The following RB1 variants were observed in gnomAD, a reference collection of about 807,000 sequenced individuals.
The protein encoded by RB1 is RB transcriptional corepressor 1, also known as retinoblastoma-associated protein.
In RB1, 18 loss-of-function variants were observed where a neutral mutation model predicts 135.4. The observed-to-expected ratio is 0.13, with a 90% CI of 0.09 to 0.20. The LOEUF (loss-of-function observed/expected upper bound fraction) is 0.20, where lower values mean the gene tolerates loss of function less well. Ranked by LOEUF, RB1 falls within the 10% of genes least tolerant of loss-of-function variation. The pLI, the probability that RB1 is intolerant of heterozygous loss-of-function variation, is 1.00. For synonymous variants in RB1, 365 were observed against 373.2 expected (o/e 0.98, Z 0.25); for missense variants, 868 against 1,110.0 (o/e 0.78, Z 3.10).
rs183939957 is a variant in RB1, at chr13:48,471,890, G to A, written c.2490-1470G>A. ...GAGGTCCATCCCTAATCCTGCTGGC[G>A]GCCTCTTTACCACCTCACCTTGGGC... On this transcript the variant is annotated intron_variant, in intron 23 of 26. Transcript: ENST00000267163. 4.6e-5 allele frequency among the ~76,000 whole-genome samples: 7 copies of A among 152,180 alleles called. No individual in the cohort carries two copies. The East Asian group carries it at 7.7e-4, about 17-fold the overall frequency.
rs2138083381 is a variant in RB1 at position 48,342,580 on chromosome 13, C to G, written c.265-19C>G. On this transcript the variant is annotated intron_variant, in intron 2 of 26. Coordinates refer to ENST00000267163, the MANE Select transcript of RB1 (RefSeq NM_000321.3). Reference sequence around the variant, plus strand: ...TGAATTATTTAATGAAATATTTGATCTTTATTTTTTGTTCCCAGGGAGGTT... The same window carrying G: ...TGAATTATTTAATGAAATATTTGATGTTTATTTTTTGTTCCCAGGGAGGTT... 3 of 1,397,106 alleles carry G rather than the reference C, an allele frequency of 2.1e-6. No homozygotes were observed. Among genetic ancestry groups the G allele is most frequent in the East Asian group, 4.6e-5 (2 of 43,738 alleles). 86.5% of individuals were successfully genotyped at this position (1,397,106 alleles called of 1,614,324 possible).
intron 17 of RB1, among the ~76,000 whole-genome samples, chr13:48,390,907 T>A (rs1948606294): frequency 6.6e-6 from 1 of 152,222 alleles, no homozygotes; most frequent in Non-Finnish European, 1.5e-5. Context: ...CTTTCTTAAA[T>A]CTTGCCTAAC....
intron 17 of RB1, among the ~76,000 whole-genome samples, chr13:48,436,717 A>C (rs1429496791): frequency 1.3e-5 from 2 of 152,178 alleles, no homozygotes; most frequent in Non-Finnish European, 2.9e-5. Context: ...ATTAGTATTA[A>C]AGGACCAGCA....
intron 5 of RB1, among the ~76,000 whole-genome samples, 166 bp from the exon 6 acceptor site, chr13:48,348,790 C>G (rs1352776642): frequency 1.3e-5 from 2 of 150,582 alleles, no homozygotes; most frequent in African/African-American, 4.9e-5. Context: ...GAGATAAACT[C>G]AGGTGTAAAT....
chr13:48,339,904 A>G (rs1371857510), intron 2 of RB1, among the ~76,000 whole-genome samples: 1 of 152,198 alleles, frequency 6.6e-6, no homozygotes, highest in Non-Finnish European at 1.5e-5. Flanking sequence ...AAATGAACAA[A>G]ATATATGAAA....
intron 17 of RB1, chr13:48,415,742 G>A (rs1453597981): frequency 1.3e-5 from 2 of 152,184 alleles, no homozygotes; most frequent in African/African-American, 4.8e-5. Flanking sequence ...CATGTTTGCT[G>A]ATGAATGAAT....
rs2138345735 is a variant in RB1, at chr13:48,465,265, C to T, written c.2386C>T (p.Pro796Ser). ...PRSPYKFPSS[P>S]LRIPGGNIYI... ...AAGCCCTTACAAGTTTCCTAGTTCA[C>T]CCTTACGGATTCCTGGAGGGAACAT... Residue 796 changes from proline (P) to serine (S), a missense_variant, in exon 23 of 27, where the codon CCC becomes TCC. Around this residue, in one of 3 missense-constraint regions of RB1, gnomAD observed 196 missense variants for 239.8 expected, o/e 0.82. Transcript: ENST00000267163. 1 of 1,613,358 alleles carries T rather than the reference C, an allele frequency of 6.2e-7. No individual in the cohort carries two copies. Among genetic ancestry groups the T allele is most frequent in the Non-Finnish European group, 8.5e-7 (1 of 1,179,342 alleles).
intron 17 of RB1, among the ~76,000 whole-genome samples, chr13:48,382,288 T>C (rs1161758092): frequency 6.6e-6 from 1 of 151,182 alleles, no homozygotes; most frequent in African/African-American, 2.4e-5. Context: ...ATCGCCACAC[T>C]GTTGAACTAG....
intron 17 of RB1, among the ~76,000 whole-genome samples, chr13:48,383,903 A>G (rs1030750778): frequency 1.3e-5 from 2 of 152,112 alleles, no homozygotes; most frequent in Admixed American, 1.3e-4. Context: ...TATTTCTTTT[A>G]GAGAATTAAT....
chr13:48,450,889 G>A (rs912595117), intron 17 of RB1, among the ~76,000 whole-genome samples: 8 of 151,954 alleles, frequency 5.3e-5, no homozygotes, highest in Non-Finnish European at 1.0e-4. Flanking sequence ...GAAGAGGCCC[G>A]TCACTTCCCT....
intron 2 of RB1, chr13:48,318,606 C>A: frequency 1.6e-6 from 1 of 616,096 alleles, no homozygotes. Flanking sequence ...GGGCACGGCT[C>A]ACGCCTGGCT....
intron 12 of RB1, among the ~76,000 whole-genome samples, chr13:48,375,913 T>C (rs1351978129): frequency 2.0e-5 from 3 of 152,036 alleles, no homozygotes; most frequent in African/African-American, 7.2e-5. Context: ...TTTTTGAATG[T>C]ATATATTGAA....
chr13:48,464,958 CTTTTTTTTTTT>C, intron 21 of RB1, 29 bp from the exon 22 acceptor site: 2 of 831,610 alleles, frequency 2.4e-6, no homozygotes, highest in Non-Finnish European at 3.2e-6. Flanking sequence ...GTAAATTTTA[CTTTTTTTTTTT>C]TTTTTTTTTT....
At chr13:48,320,022 G>T (rs146396889) in intron 2 of RB1, 3 of 445,370 alleles carry the variant, frequency 6.7e-6, no homozygotes, top group African/African-American at 6.1e-5. Flanking sequence ...GCTGCGCCTG[G>T]CTGGCCCCTG....
At chr13:48,345,596 A>C (rs1217862772) in intron 4 of RB1, among the ~76,000 whole-genome samples, 1 of 152,178 alleles carries the variant, frequency 6.6e-6, no homozygotes, top group Admixed American at 6.5e-5. Context: ...TATACTATAA[A>C]GTAATGATTT....
chr13:48,398,118 C>T (rs914082759), intron 17 of RB1, among the ~76,000 whole-genome samples: 4 of 152,062 alleles, frequency 2.6e-5, no homozygotes, highest in Admixed American at 2.0e-4. Flanking sequence ...AACAGCCATG[C>T]TAATATAATG....
At chr13:48,322,806 G>A (rs931210527) in intron 2 of RB1, among the ~76,000 whole-genome samples, 2 of 152,118 alleles carry the variant, frequency 1.3e-5, no homozygotes, top group Non-Finnish European at 2.9e-5. Flanking sequence ...TATTGAAATG[G>A]TGTAGTATAT....
At chr13:48,420,234 A>C (rs1234571825) in intron 17 of RB1, among the ~76,000 whole-genome samples, 1 of 152,236 alleles carries the variant, frequency 6.6e-6, no homozygotes, top group African/African-American at 2.4e-5. Context: ...GGTTCAACAT[A>C]TGCAAATCAA....
At chr13:48,398,092 A>G (rs1948662585) in intron 17 of RB1, among the ~76,000 whole-genome samples, 1 of 152,218 alleles carries the variant, frequency 6.6e-6, no homozygotes, top group African/African-American at 2.4e-5. Context: ...GTATGATGCC[A>G]TATATACTTT....
Sources: gnomAD v4.1 joint callset for allele counts (sites outside exome capture counted in the v4.1 genomes callset) on GRCh38, gnomAD v4.1.1 for gene constraint, gnomAD v4.1.1 regional missense constraint, MANE v1.5 for transcripts, NCBI Gene and HGNC (gene_info 2026-07-23, HGNC 2026-07-21) for gene names.